KLHL2: variants seen among roughly 807,000 people sequenced by gnomAD.
KLHL2 encodes the protein kelch like family member 2, also known as kelch-like protein 2.
Under a neutral mutation model 75.8 loss-of-function variants are expected in KLHL2, and 15 were observed. The observed-to-expected ratio is 0.20, with a 90% CI of 0.13 to 0.30. The LOEUF is 0.30. KLHL2 is among the 10% of genes least tolerant of loss of function. The pLI is 1.00. For synonymous variants in KLHL2, 214 were observed against 251.9 expected, an observed-to-expected ratio of 0.85 and a Z score of 1.42; for missense variants, 381 against 741.0, an observed-to-expected ratio of 0.51 and a Z score of 5.64.
At chr4:165,213,058 C>T (rs1477378937) in intron 1 of KLHL2, among the ~76,000 whole-genome samples, 1 of 152,204 alleles carries the variant, frequency 6.6e-6, no homozygotes, top group Admixed American at 6.5e-5. Flanking sequence ...AATGGGATAA[C>T]CATTCTTCTG....
intron 5 of KLHL2, among the ~76,000 whole-genome samples, chr4:165,281,045 G>C (rs1044405028): frequency 6.6e-6 from 1 of 152,136 alleles, no homozygotes; most frequent in African/African-American, 2.4e-5. Context: ...GCTGCTTGTG[G>C]ATCTCAGAGA....
intron 5 of KLHL2, among the ~76,000 whole-genome samples, chr4:165,280,468 C>T (rs188346935): frequency 1.8e-3 from 280 of 152,234 alleles, no homozygotes; most frequent in Non-Finnish European, 3.2e-3. Context: ...TGAATGCCAC[C>T]CTCTTGAAAG....
chr4:165,278,523 T>C, intron 5 of KLHL2: 1 of 1,609,076 alleles, frequency 6.2e-7, no homozygotes, highest in East Asian at 2.2e-5. Context: ...CCTCTTGCGC[T>C]GGGCTCCCAA....
chr4:165,317,713 G>A, intron 13 of KLHL2, 113 bp from the exon 14 acceptor site: 1 of 777,100 alleles, frequency 1.3e-6, no homozygotes, highest in South Asian at 1.9e-5. Flanking sequence ...TTCTCTTCTT[G>A]CCTCCTTTCA....
intron 3 of KLHL2, among the ~76,000 whole-genome samples, chr4:165,235,156 A>C (rs190478732): frequency 4.6e-5 from 7 of 152,386 alleles, no homozygotes; most frequent in African/African-American, 1.7e-4. Flanking sequence ...ACGTTAAGTA[A>C]AAATGCTATA....
intron 5 of KLHL2, chr4:165,277,782 C>A: frequency 1.7e-6 from 1 of 594,188 alleles, no homozygotes; most frequent in Non-Finnish European, 3.0e-6. Context: ...CACACACACA[C>A]ACACCAAATA....
At chr4:165,276,952 CAATT>C (rs1184440300) in intron 5 of KLHL2, among the ~76,000 whole-genome samples, 2 of 151,858 alleles carry the variant, frequency 1.3e-5, no homozygotes, top group Non-Finnish European at 2.9e-5. Flanking sequence ...TAGGCTAAGA[CAATT>C]AAATAAAAAT....
In KLHL2 at chr4:165,207,636, G is replaced by C. The variant is rs1412031400; in HGVS notation, c.-241G>C. On this transcript the variant is annotated 5_prime_UTR_variant, in exon 1 of 15. Transcript: ENST00000226725. This position sits in a 1 kb window ranked among gnomAD's most constrained non-coding sequence, Gnocchi z 4.2. Reference sequence around the variant, plus strand: ...AGCCCGCGCGCCCGCCGGTCCCGTCGCCGCCGCCCCGCACTCGGGCGAGCG... The same window carrying C: ...AGCCCGCGCGCCCGCCGGTCCCGTCCCCGCCGCCCCGCACTCGGGCGAGCG... The C allele has an allele frequency of 6.6e-6, 1 of 150,650 alleles. No homozygotes were observed. The highest frequency in any genetic ancestry group is 2.4e-5 in the African/African-American group (1 of 40,960). The allele number at this position is 150,650 out of a possible 1,614,324, so 9.3% of individuals were successfully genotyped here. A position where few individuals can be genotyped will look rare whatever the true frequency, so the allele number is the denominator to read the frequency against.
chr4:165,319,207 C>T lies in KLHL2; in HGVS notation c.1753+1238C>T, dbSNP rs1180692826. 2.0e-5 allele frequency among the ~76,000 whole-genome samples: 3 copies of T among 152,168 alleles called. No individual in the cohort carries two copies. The highest frequency in any genetic ancestry group is 4.4e-5 in the Non-Finnish European group (3 of 68,020). On this transcript the variant is annotated intron_variant, in intron 14 of 14. Coordinates refer to ENST00000226725, the MANE Select transcript of KLHL2 (RefSeq NM_007246.4). This position sits in a 1 kb window ranked among gnomAD's most constrained non-coding sequence, Gnocchi z 4.5. ...TTAAAAAGCTGTGGGGGGCTAATTA[C>T]CTTTGAAAGAGCAGTTTGTCTCTTC... is the stretch of plus-strand genomic sequence containing the variant.
intron 5 of KLHL2, among the ~76,000 whole-genome samples, chr4:165,288,026 T>G (rs1744215844): frequency 6.6e-6 from 1 of 152,202 alleles, no homozygotes; most frequent in Non-Finnish European, 1.5e-5. Flanking sequence ...GTAGTCCCAT[T>G]TGTCTTCGTT....
intron 4 of KLHL2, among the ~76,000 whole-genome samples, chr4:165,241,398 G>T (rs182102564): frequency 6.6e-6 from 1 of 152,152 alleles, no homozygotes; most frequent in African/African-American, 2.4e-5. Flanking sequence ...CCACCTTAAA[G>T]AAGAAGGTGT....
intron 13 of KLHL2, among the ~76,000 whole-genome samples, chr4:165,315,859 A>T (rs1190402098): frequency 6.6e-6 from 1 of 152,208 alleles, no homozygotes; most frequent in East Asian, 1.9e-4. Context: ...TTGAAATAGC[A>T]AGCAGCTTAC....
chr4:165,297,903 A>AACCTCC (rs1222541730), intron 7 of KLHL2, among the ~76,000 whole-genome samples, 178 bp downstream of exon 7: 27 of 152,158 alleles, frequency 1.8e-4, no homozygotes, highest in South Asian at 4.1e-4. Flanking sequence ...GGCTCTCCGC[A>AACCTCC]ACCTCCACCT....
chr4:165,264,743 T>TATAA (rs1742082498), intron 5 of KLHL2, among the ~76,000 whole-genome samples: 4 of 61,738 alleles, frequency 6.5e-5, no homozygotes, highest in African/African-American at 6.4e-5. Flanking sequence ...TATATATGTA[T>TATAA]ATATATATAT....
chr4:165,313,003 G>A (rs1334518555), intron 11 of KLHL2, among the ~76,000 whole-genome samples: 1 of 152,072 alleles, frequency 6.6e-6, no homozygotes, highest in African/African-American at 2.4e-5. Context: ...ATTGATGAAA[G>A]TATAAAATTA....
intron 4 of KLHL2, among the ~76,000 whole-genome samples, chr4:165,253,165 G>A (rs1740880060): frequency 6.6e-6 from 1 of 152,168 alleles, no homozygotes; most frequent in Non-Finnish European, 1.5e-5. Flanking sequence ...CTCCTGAGTA[G>A]TTGGGATTAC....
chr4:165,236,419 G>A (rs1739351959), intron 3 of KLHL2, among the ~76,000 whole-genome samples: 1 of 152,112 alleles, frequency 6.6e-6, no homozygotes, highest in East Asian at 1.9e-4. Flanking sequence ...GTCTTGCTGT[G>A]TTGCCCAGGC....
chr4:165,300,397 TA>T (rs145885564), intron 8 of KLHL2, among the ~76,000 whole-genome samples: 10,826 of 152,216 alleles, frequency 0.071, 814 homozygotes, highest in African/African-American at 0.19. Flanking sequence ...CTACAGATGA[TA>T]AAAATAGCTT....
At chr4:165,293,776 A>T (rs1205609004) in intron 5 of KLHL2, among the ~76,000 whole-genome samples, 1 of 149,718 alleles carries the variant, frequency 6.7e-6, no homozygotes, top group Non-Finnish European at 1.5e-5. Context: ...TCTGCCTCCC[A>T]AAGTGCTGGG....
Sources: allele counts gnomAD v4.1 joint callset (sites outside exome capture counted in the v4.1 genomes callset), GRCh38; gene constraint gnomAD v4.1.1; non-coding constraint Gnocchi (gnomAD v3.1); transcripts MANE v1.5; gene names NCBI Gene and HGNC (gene_info 2026-07-23, HGNC 2026-07-21).